Variants in CACNA2D3 observed in about 807,000 individuals in gnomAD.
The protein encoded by CACNA2D3 is voltage-dependent calcium channel subunit alpha-2/delta-3.
Under a neutral mutation model 160.6 loss-of-function variants are expected in CACNA2D3, and 60 were observed. The ratio of observed to expected loss-of-function variants is 0.37; its 90% CI spans 0.30 to 0.46. The LOEUF is 0.46. Among genes scored for constraint, CACNA2D3 ranks in the 20% least tolerant of loss-of-function variants. CACNA2D3 has a pLI of 1.00. For missense variants in CACNA2D3, 1,205 were observed against 1,365.0 expected (o/e 0.88, Z 1.85); for synonymous variants, 558 against 492.9 (o/e 1.13, Z -1.75).
intron 9 of CACNA2D3, among the ~76,000 whole-genome samples, chr3:54,599,514 T>C (rs77700053): frequency 0.012 from 1,839 of 152,258 alleles, 34 homozygotes; most frequent in African/African-American, 0.042. Flanking sequence ...TATTGTGAAT[T>C]CCATTAACAG....
At chr3:54,161,446 C>T (rs938829524) in intron 2 of CACNA2D3, among the ~76,000 whole-genome samples, 6 of 152,228 alleles carry the variant, frequency 3.9e-5, no homozygotes, top group Non-Finnish European at 7.3e-5. Flanking sequence ...TGGAGGGGCA[C>T]CTACCAGGGA....
chr3:54,810,730 T>G (rs1366658385), intron 13 of CACNA2D3, among the ~76,000 whole-genome samples: 2 of 152,142 alleles, frequency 1.3e-5, no homozygotes, highest in Non-Finnish European at 2.9e-5. Context: ...TAATTGGAGT[T>G]TTATGTTTGA....
chr3:54,525,815 C>G (rs1275293766), intron 5 of CACNA2D3, among the ~76,000 whole-genome samples: 1 of 150,406 alleles, frequency 6.6e-6, no homozygotes, highest in Non-Finnish European at 1.5e-5. Flanking sequence ...TTTTGCATAT[C>G]TGTTTGCGTT....
chr3:55,035,567 A>G (rs1224360565), intron 35 of CACNA2D3, among the ~76,000 whole-genome samples: 1 of 152,154 alleles, frequency 6.6e-6, no homozygotes, highest in African/African-American at 2.4e-5. Flanking sequence ...TTCACAGTAA[A>G]TCTCTCAAAT....
chr3:55,044,210 TAACAC>T (rs1009734552), intron 35 of CACNA2D3, among the ~76,000 whole-genome samples: 7 of 152,218 alleles, frequency 4.6e-5, no homozygotes, highest in Admixed American at 3.3e-4. Flanking sequence ...CCTGACATCT[TAACAC>T]AACCAAGTCT....
At position 55,021,677 on chromosome 3, in the gene CACNA2D3, G is replaced by A. The variant is rs201682155; in HGVS notation, c.2987+3360G>A. 6.6e-3 allele frequency among the ~76,000 whole-genome samples: 449 copies of A among 67,744 alleles called. 2 individuals carry two copies. Among genetic ancestry groups the A allele is most frequent in the Admixed American group, 0.011 (65 of 6,040 alleles). 44.4% of individuals were successfully genotyped at this position (67,744 alleles called of 152,430 possible). ...TATATATGTGTGTGTATATATATAT[G>A]TGTATATATATATATGTGTGTATAT... is the stretch of plus-strand genomic sequence containing the variant. On this transcript the variant is annotated intron_variant, in intron 35 of 37. Transcript: ENST00000474759.
chr3:54,737,228 C>T (rs1701552778), intron 11 of CACNA2D3, among the ~76,000 whole-genome samples: 1 of 140,872 alleles, frequency 7.1e-6, no homozygotes, highest in Non-Finnish European at 1.6e-5. Context: ...GTGTAGGGAA[C>T]AGAATATAAC....
chr3:54,591,587 T>TTTC (rs1553741914), intron 9 of CACNA2D3, among the ~76,000 whole-genome samples: 1 of 150,014 alleles, frequency 6.7e-6, no homozygotes. Flanking sequence ...TTTTTTTTTT[T>TTTC]CACATCACTA....
In CACNA2D3 at chr3:54,824,898, G is replaced by A. The variant is rs560457257; in HGVS notation, c.1398+8028G>A. ...GCAGAAATGGTTTCTTTTAAAAATA[G>A]GCAAAAAGAACTTGGTGTTTATTAA... On this transcript the variant is annotated intron_variant, in intron 14 of 37. Transcript: ENST00000474759. Among the ~76,000 whole-genome samples the A allele has an allele frequency of 2.7e-4, 41 of 152,210 alleles. No homozygotes were observed. In the South Asian group the frequency reaches 8.5e-3, roughly 32 times the overall value.
At chr3:54,859,990 A>G (rs1479122249) in intron 17 of CACNA2D3, among the ~76,000 whole-genome samples, 4 of 151,576 alleles carry the variant, frequency 2.6e-5, no homozygotes, top group Admixed American at 6.6e-5. Flanking sequence ...ACACACACAC[A>G]CACACACACA....
Position 54,974,698 on chromosome 3 carries a change from C to T in CACNA2D3, c.2556+4854C>T, listed in dbSNP as rs139423297. Among the ~76,000 whole-genome samples, 526 of 152,332 alleles carry T rather than the reference C, an allele frequency of 3.5e-3. 4 individuals carry two copies. Among genetic ancestry groups the T allele is most frequent in the African/African-American group, 0.012 (498 of 41,576 alleles). On this transcript the variant is annotated intron_variant, in intron 29 of 37. Transcript: ENST00000474759. ...AACATCAACTTCCCTCTGTGCTCTC[C>T]ACCCTGCCCTTTATTGCTGCCTTTT...
At chr3:54,154,521 T>C (rs1700208079) in intron 2 of CACNA2D3, among the ~76,000 whole-genome samples, 1 of 143,032 alleles carries the variant, frequency 7.0e-6, no homozygotes, top group African/African-American at 2.5e-5. Context: ...AAACGCCCCT[T>C]ACTCTTTTTC....
intron 2 of CACNA2D3, among the ~76,000 whole-genome samples, chr3:54,201,064 C>G (rs1386814628): frequency 6.6e-6 from 1 of 152,146 alleles, no homozygotes; most frequent in African/African-American, 2.4e-5. Flanking sequence ...TGAAATGAGA[C>G]GCTCTGTAAA....
chr3:54,493,923 A>G (rs7649795), intron 4 of CACNA2D3, among the ~76,000 whole-genome samples: 13,945 of 152,302 alleles, frequency 0.092, 1,969 homozygotes, highest in African/African-American at 0.3. Flanking sequence ...CCCTTGACAG[A>G]AAAAGTTTGC....
chr3:54,124,127 G>A (rs917675363), intron 2 of CACNA2D3, among the ~76,000 whole-genome samples: 2 of 152,198 alleles, frequency 1.3e-5, no homozygotes, highest in African/African-American at 4.8e-5. Context: ...GAGAATGAAT[G>A]TGGTTATCTT....
intron 5 of CACNA2D3, among the ~76,000 whole-genome samples, chr3:54,523,500 G>A (rs1701678988): frequency 6.6e-6 from 1 of 152,070 alleles, no homozygotes; most frequent in Admixed American, 6.5e-5. Context: ...GTTTTCTTGT[G>A]ATGTCTTTGA....
rs370374620 is a variant in CACNA2D3, at chr3:54,253,656, T to C, written c.205-66786T>C. ...TATCAGTGTCTATTCCTGTCATATG[T>C]GTTTTGATTTGGAGGAAGTATTTGT... On this transcript the variant is annotated intron_variant, in intron 2 of 37. Coordinates refer to ENST00000474759, the MANE Select transcript of CACNA2D3 (RefSeq NM_018398.3). Among the ~76,000 whole-genome samples, 4 of 152,244 alleles carry C rather than the reference T, an allele frequency of 2.6e-5. No individual in the cohort carries two copies. In the East Asian group the frequency reaches 7.7e-4, roughly 29 times the overall value.
intron 13 of CACNA2D3, among the ~76,000 whole-genome samples, chr3:54,774,629 ATTTTTTTTTTTT>A (rs111655457): frequency 4.6e-5 from 5 of 107,916 alleles, no homozygotes; most frequent in Non-Finnish European, 8.9e-5. Flanking sequence ...CTCTTTGACT[ATTTTTTTTTTTT>A]TTTTTTTTTT....
chr3:54,456,449 C>T (rs1293471910), intron 4 of CACNA2D3, among the ~76,000 whole-genome samples: 2 of 151,866 alleles, frequency 1.3e-5, no homozygotes, highest in African/African-American at 4.8e-5. Flanking sequence ...TTTGTCCGTT[C>T]TAAGAGTTTT....
Sources: gnomAD v4.1 joint callset for allele counts (sites outside exome capture counted in the v4.1 genomes callset) on GRCh38, gnomAD v4.1.1 for gene constraint, MANE v1.5 for transcripts, NCBI Gene and HGNC (gene_info 2026-07-23, HGNC 2026-07-21) for gene names.